The following ABLIM2 variants were observed in gnomAD, a reference collection of about 807,000 sequenced individuals.
The protein encoded by ABLIM2 is actin-binding LIM protein 2.
Under a neutral mutation model 97.7 loss-of-function variants are expected in ABLIM2, and 53 were observed. The ratio of observed to expected loss-of-function variants is 0.54; its 90% CI spans 0.44 to 0.68. The LOEUF (loss-of-function observed/expected upper bound fraction) is 0.68, where lower values mean the gene tolerates loss of function less well. Among genes scored for constraint, ABLIM2 ranks in the 30% least tolerant of loss-of-function variants. The probability of loss-of-function intolerance (pLI) is 0.00; values close to 1 mark genes in which losing one functional copy is unlikely to be tolerated. For missense variants in ABLIM2, 835 were observed against 867.2 expected, an observed-to-expected ratio of 0.96 and a Z score of 0.47; for synonymous variants, 361 against 345.8, an observed-to-expected ratio of 1.04 and a Z score of -0.49.
rs1400098412 is a variant in ABLIM2, at chr4:7,992,819, C to A, written c.1680+47G>T. 3.1e-6 allele frequency: 5 copies of A among 1,592,572 alleles called. No individual in the cohort carries two copies. The highest frequency in any genetic ancestry group is 4.3e-6 in the Non-Finnish European group (5 of 1,165,254). ...AAGCTGTGGGAAACGTGCTCAGCCTCACAGCAATCGTTAGTACCCTGTGGC... is the reference window on the plus strand; with the variant it reads ...AAGCTGTGGGAAACGTGCTCAGCCTAACAGCAATCGTTAGTACCCTGTGGC... On this transcript the variant is annotated intron_variant, in intron 17 of 20. Coordinates refer to ENST00000447017, the MANE Select transcript of ABLIM2 (RefSeq NM_001130083.2). The surrounding 1 kb of genome is among the most constrained non-coding windows in gnomAD (Gnocchi z 5.7).
chr4:7,995,753 G>A (rs1187929419), intron 16 of ABLIM2, among the ~76,000 whole-genome samples: 1 of 152,186 alleles, frequency 6.6e-6, no homozygotes, highest in Non-Finnish European at 1.5e-5. Context: ...TGTGAACCCC[G>A]ATATGCAAAA....
At chr4:8,141,253 A>G (rs532787478) in intron 1 of ABLIM2, among the ~76,000 whole-genome samples, 1 of 152,218 alleles carries the variant, frequency 6.6e-6, no homozygotes, top group African/African-American at 2.4e-5. Flanking sequence ...GAGATCACAA[A>G]CATCGAAGTG....
At chr4:8,154,124 A>G (rs894056243) in intron 1 of ABLIM2, among the ~76,000 whole-genome samples, 35 of 151,348 alleles carry the variant, frequency 2.3e-4, no homozygotes, top group East Asian at 1.4e-3. Flanking sequence ...CACCACGCCC[A>G]GCTAATTTTT....
chr4:8,026,594 A>T (rs1250229308), intron 12 of ABLIM2, among the ~76,000 whole-genome samples: 4 of 152,222 alleles, frequency 2.6e-5, no homozygotes, highest in Non-Finnish European at 4.4e-5. Context: ...AGGATGGGGA[A>T]TTATTGCATT....
intron 17 of ABLIM2, among the ~76,000 whole-genome samples, chr4:7,987,602 G>A: frequency 6.6e-6 from 1 of 152,164 alleles, no homozygotes; most frequent in East Asian, 1.9e-4. Flanking sequence ...TGCATAACGG[G>A]CTTCCAAAAC....
chr4:8,070,549 C>A (rs1371839410), intron 6 of ABLIM2, among the ~76,000 whole-genome samples: 1 of 152,046 alleles, frequency 6.6e-6, no homozygotes, highest in Non-Finnish European at 1.5e-5. Context: ...GCTTCCTGCC[C>A]CAAGACAGAC....
intron 1 of ABLIM2, among the ~76,000 whole-genome samples, chr4:8,119,052 C>T (rs1299935748): frequency 6.6e-6 from 1 of 152,198 alleles, no homozygotes; most frequent in Non-Finnish European, 1.5e-5. Flanking sequence ...CTGGCTTTGT[C>T]TACAGTCCCA....
intron 1 of ABLIM2, among the ~76,000 whole-genome samples, chr4:8,109,058 G>C (rs968449233): frequency 1.3e-5 from 2 of 152,222 alleles, no homozygotes; most frequent in Non-Finnish European, 2.9e-5. Flanking sequence ...GAAACCCCGC[G>C]TAGCATGTCC....
intron 17 of ABLIM2, among the ~76,000 whole-genome samples, chr4:7,988,529 T>C (rs1186936855): frequency 6.6e-6 from 1 of 152,254 alleles, no homozygotes; most frequent in Non-Finnish European, 1.5e-5. Flanking sequence ...AAATTGCTAA[T>C]AGGAATTGAG....
At chr4:7,967,484 G>C (rs1489635189) in intron 20 of ABLIM2, among the ~76,000 whole-genome samples, 1 of 152,256 alleles carries the variant, frequency 6.6e-6, no homozygotes. Flanking sequence ...ACTTCAGTGA[G>C]TGGTCACAGC....
At chr4:8,077,778 C>G (rs1341824020) in intron 5 of ABLIM2, 57 bp from the exon 6 acceptor site, 1 of 1,440,882 alleles carries the variant, frequency 6.9e-7, no homozygotes, top group Non-Finnish European at 9.6e-7. Flanking sequence ...CCCTTGAGAT[C>G]TAACAACCCT....
chr4:8,108,243 G>A (rs1838426453), intron 1 of ABLIM2, among the ~76,000 whole-genome samples: 1 of 152,254 alleles, frequency 6.6e-6, no homozygotes, highest in African/African-American at 2.4e-5. Flanking sequence ...CTCCTTGTTT[G>A]GGAGTGAGAG....
chr4:8,120,037 C>T lies in ABLIM2; in HGVS notation c.11-13400G>A, dbSNP rs945853258. On this transcript the variant is annotated intron_variant, in intron 1 of 20. Transcript: ENST00000447017. This position sits in a 1 kb window ranked among gnomAD's most constrained non-coding sequence, Gnocchi z 5.6. ...ATGAGGACAAAGTCACTCTTGGCCA[C>T]AAATAGGCTCTGTTCACAGAGCGAC... is the stretch of plus-strand genomic sequence containing the variant. Among the ~76,000 whole-genome samples the T allele has an allele frequency of 6.6e-6, 1 of 152,158 alleles. No individual in the cohort carries two copies. Among genetic ancestry groups the T allele is most frequent in the Non-Finnish European group, 1.5e-5 (1 of 68,036 alleles).
chr4:8,032,696 A>G lies in ABLIM2; in HGVS notation c.1048-2920T>C. The G allele has an allele frequency of 6.2e-7, 1 of 1,612,436 alleles. No homozygotes were observed. Among genetic ancestry groups the G allele is most frequent in the Non-Finnish European group, 8.5e-7 (1 of 1,179,796 alleles). ...ACTGAGGGGACTGTGGACACAACACACAAAGTGGCCATTAGTGCTGGCGCC... is the reference window on the plus strand; with the variant it reads ...ACTGAGGGGACTGTGGACACAACACGCAAAGTGGCCATTAGTGCTGGCGCC... On this transcript the variant is annotated intron_variant, in intron 10 of 20. Coordinates refer to ENST00000447017, the MANE Select transcript of ABLIM2 (RefSeq NM_001130083.2). The surrounding 1 kb of genome is among the most constrained non-coding windows in gnomAD (Gnocchi z 4.3).
At position 8,112,775 on chromosome 4, in the gene ABLIM2, G is replaced by A. The variant is rs983704267; in HGVS notation, c.11-6138C>T. ...TCATCCTCATCTCACGGATGAGGAT[G>A]CCAAGGCTAGGAGATGGTCACACGG... On this transcript the variant is annotated intron_variant, in intron 1 of 20. Transcript: ENST00000447017. This position sits in a 1 kb window ranked among gnomAD's most constrained non-coding sequence, Gnocchi z 4.2. Among the ~76,000 whole-genome samples, 1 of 152,156 alleles carries A rather than the reference G, an allele frequency of 6.6e-6. No individual in the cohort carries two copies. The highest frequency in any genetic ancestry group is 1.5e-5 in the Non-Finnish European group (1 of 68,034).
Position 8,083,117 on chromosome 4 carries a change from G to C in ABLIM2, c.455-2315C>G, listed in dbSNP as rs1261239533. On this transcript the variant is annotated intron_variant, in intron 4 of 20. Transcript: ENST00000447017. The surrounding 1 kb of genome is among the most constrained non-coding windows in gnomAD (Gnocchi z 4.6). ...GGGCTCTCTGGCCCCACATGTGAAT[G>C]GTGCTGGAGCTGAGATCCCCGGCTC... Among the ~76,000 whole-genome samples, 2 of 152,170 alleles carry C rather than the reference G, an allele frequency of 1.3e-5. No homozygotes were observed. Among genetic ancestry groups the C allele is most frequent in the Non-Finnish European group, 2.9e-5 (2 of 68,036 alleles).
chr4:8,060,846 G>C (rs1802521393), intron 7 of ABLIM2, 121 bp downstream of exon 7: 2 of 826,500 alleles, frequency 2.4e-6, no homozygotes, highest in African/African-American at 1.7e-5. Context: ...GCTGTGGCTG[G>C]GCTGCTCGTG....
At chr4:8,151,267 C>T (rs62289401) in intron 1 of ABLIM2, among the ~76,000 whole-genome samples, 2,703 of 152,260 alleles carry the variant, frequency 0.018, 39 homozygotes, top group Non-Finnish European at 0.027. Context: ...CCACCCAGCT[C>T]GTTATCCGCA....
intron 6 of ABLIM2, among the ~76,000 whole-genome samples, chr4:8,076,702 A>G (rs1352099052): frequency 7.2e-6 from 1 of 138,984 alleles, no homozygotes; most frequent in African/African-American, 2.7e-5. Flanking sequence ...CCTGACCAGC[A>G]CCACAGCACT....
Sources: allele counts gnomAD v4.1 joint callset (sites outside exome capture counted in the v4.1 genomes callset), GRCh38; gene constraint gnomAD v4.1.1; non-coding constraint Gnocchi (gnomAD v3.1); transcripts MANE v1.5; gene names NCBI Gene and HGNC (gene_info 2026-07-23, HGNC 2026-07-21).